KIF3C: variants seen among roughly 807,000 people sequenced by gnomAD.
KIF3C encodes the protein kinesin family member 3C.
A neutral mutation model predicts 67.7 loss-of-function variants in KIF3C; 12 were observed. That is an observed-to-expected ratio of 0.18 (90% CI 0.11 to 0.29). The LOEUF (loss-of-function observed/expected upper bound fraction) is 0.29, where lower values mean the gene tolerates loss of function less well. Ranked by LOEUF, KIF3C falls within the 10% of genes least tolerant of loss-of-function variation. The pLI is 1.00. For missense variants in KIF3C, 789 were observed against 1,059.6 expected, an observed-to-expected ratio of 0.74 and a Z score of 3.55; for synonymous variants, 393 against 426.2, an observed-to-expected ratio of 0.92 and a Z score of 0.96.
chr2:25,929,610 T>C, intron 6 of KIF3C, 133 bp from the exon 7 acceptor site: 2 of 678,962 alleles, frequency 2.9e-6, no homozygotes, highest in Admixed American at 2.9e-5. Context: ...TCCCCTCCCA[T>C]AGGCTCTTTT....
At chr2:25,952,105 C>T (rs1288442137) in intron 4 of KIF3C, among the ~76,000 whole-genome samples, 200 bp from the exon 5 acceptor site, 1 of 152,088 alleles carries the variant, frequency 6.6e-6, no homozygotes, top group Admixed American at 6.6e-5. Context: ...TCCTGGCTAA[C>T]ACAGTGAAAC....
chr2:25,978,909 T>G (rs1201521647), intron 1 of KIF3C, among the ~76,000 whole-genome samples: 1 of 152,074 alleles, frequency 6.6e-6, no homozygotes, highest in Admixed American at 6.5e-5. Context: ...CCTGATCCTT[T>G]CCTTGAGGAA....
rs188649155 is a variant in KIF3C, at chr2:25,947,148, G to A, written c.2006+4641C>T. On this transcript the variant is annotated intron_variant, in intron 5 of 7. Transcript: ENST00000264712. ...CCAGCCTGGGCAACAAGAGCAGAGA[G>A]CATTAGAATCCTTTAATAAAGAGCA... Among the ~76,000 whole-genome samples the A allele has an allele frequency of 3.7e-4, 56 of 152,226 alleles. 1 individual carries two copies. Among genetic ancestry groups the A allele is most frequent in the Admixed American group, 2.6e-3 (40 of 15,284 alleles).
chr2:25,963,010 TAA>T lies in KIF3C; in HGVS notation c.1546-6568_1546-6567del, dbSNP rs1489184876. The stretch of plus-strand genomic sequence containing the variant: ...TATAATATATATAATATATAATATA[TAA>T]TATATATAATATATAATATATAATA... On this transcript the variant is annotated intron_variant, in intron 1 of 7. Transcript: ENST00000264712. Among the ~76,000 whole-genome samples, 202 of 48,270 alleles carry T rather than the reference TAA, an allele frequency of 4.2e-3. 16 individuals are homozygous for T. The highest frequency in any genetic ancestry group is 0.023 in the African/African-American group (185 of 8,012). The allele number at this position is 48,270 out of a possible 152,430, so 31.7% of individuals were successfully genotyped here.
rs2090420160 is a variant in KIF3C, at chr2:25,927,375, T to C, written c.*1603A>G. 6.6e-6 allele frequency: 1 copy of C among 152,480 alleles called. No homozygotes were observed. Among genetic ancestry groups the C allele is most frequent in the Middle Eastern group, 3.4e-3 (1 of 294 alleles). 9.4% of individuals were successfully genotyped at this position (152,480 alleles called of 1,614,324 possible). On this transcript the variant is annotated 3_prime_UTR_variant, in exon 8 of 8. Coordinates refer to ENST00000264712, the MANE Select transcript of KIF3C (RefSeq NM_002254.8). ...GATCTGAATCCTGAGTCTCAAATAA[T>C]CTCTTGGGCTCTGATGAAAATTGTG...
chr2:25,968,572 C>A (rs1664199443), intron 1 of KIF3C, among the ~76,000 whole-genome samples: 1 of 152,170 alleles, frequency 6.6e-6, no homozygotes, highest in Admixed American at 6.5e-5. Context: ...CAAATCCAGA[C>A]AACAGAATGT....
intron 5 of KIF3C, among the ~76,000 whole-genome samples, chr2:25,938,632 G>A (rs989290014): frequency 3.3e-5 from 5 of 152,164 alleles, no homozygotes; most frequent in Non-Finnish European, 7.3e-5. Flanking sequence ...GAAGGGTTGG[G>A]GGAAGGGAGT....
Position 25,958,025 on chromosome 2 carries a change from C to G in KIF3C, c.1546-1581G>C, listed in dbSNP as rs1168970104. Among the ~76,000 whole-genome samples the G allele has an allele frequency of 1.3e-5, 2 of 152,150 alleles. No homozygotes were observed. The highest frequency in any genetic ancestry group is 2.9e-5 in the Non-Finnish European group (2 of 68,006). On this transcript the variant is annotated intron_variant, in intron 1 of 7. Coordinates refer to ENST00000264712, the MANE Select transcript of KIF3C (RefSeq NM_002254.8). The surrounding 1 kb of genome is among the most constrained non-coding windows in gnomAD (Gnocchi z 4.5). The stretch of plus-strand genomic sequence containing the variant: ...TGCAGGACCATGAGAGGGAAGAATC[C>G]CTTACACTGCATCCTCAGCGACTCA...
intron 1 of KIF3C, among the ~76,000 whole-genome samples, chr2:25,978,225 C>T (rs1168200306): frequency 6.6e-6 from 1 of 152,150 alleles, no homozygotes; most frequent in Non-Finnish European, 1.5e-5. Context: ...CCCAGGGTCA[C>T]GAGCTGATAA....
At chr2:25,944,644 C>A (rs752079637) in intron 5 of KIF3C, among the ~76,000 whole-genome samples, 1 of 151,880 alleles carries the variant, frequency 6.6e-6, no homozygotes, top group African/African-American at 2.4e-5. Flanking sequence ...AGCCACTGTA[C>A]CCAGCCTATA....
intron 1 of KIF3C, among the ~76,000 whole-genome samples, chr2:25,977,618 C>T (rs774936403): frequency 3.9e-5 from 6 of 152,188 alleles, no homozygotes; most frequent in Non-Finnish European, 8.8e-5. Flanking sequence ...GGACAGAAGC[C>T]ACCCCATAGC....
In KIF3C at chr2:25,980,418, C is replaced by T. The variant is rs1473368735; in HGVS notation, c.1500G>A (p.Leu500=). 2.5e-6 allele frequency: 4 copies of T among 1,614,124 alleles called. No homozygotes were observed. The highest frequency in any genetic ancestry group is 3.4e-6 in the Non-Finnish European group (4 of 1,180,026). Residue 500 remains leucine (L), a synonymous_variant, in exon 1 of 8, where the codon CTG becomes CTA. Coordinates refer to ENST00000264712, the MANE Select transcript of KIF3C (RefSeq NM_002254.8). The surrounding 1 kb of genome is among the most constrained non-coding windows in gnomAD (Gnocchi z 7.6). ...GCTCTGTGGCCTGCTGTTCCCGCCG[C>T]AGGTCCTCCAGCATCTTCTCCTTCT... is the stretch of plus-strand genomic sequence containing the variant. ...LEEKEKMLED[L]RREQQATELL... is the part of the protein sequence containing the mutation.
chr2:25,980,257 C>T lies in KIF3C; in HGVS notation c.1545+116G>A, dbSNP rs908805305. The T allele has an allele frequency of 1.5e-5, 12 of 820,814 alleles. No individual in the cohort carries two copies. Among genetic ancestry groups the T allele is most frequent in the African/African-American group, 8.6e-5 (5 of 58,120 alleles). 50.8% of individuals were successfully genotyped at this position (820,814 alleles called of 1,614,324 possible). On this transcript the variant is annotated intron_variant, in intron 1 of 7. Coordinates refer to ENST00000264712, the MANE Select transcript of KIF3C (RefSeq NM_002254.8). This position sits in a 1 kb window ranked among gnomAD's most constrained non-coding sequence, Gnocchi z 7.6. ...GCACATTTGGCAGGAGGGCAGTGTG[C>T]GGTGCTGAGGGAGAACCTCCACTTC...
intron 1 of KIF3C, among the ~76,000 whole-genome samples, chr2:25,979,266 G>A (rs1664497449): frequency 6.6e-6 from 1 of 152,152 alleles, no homozygotes. Context: ...ACAGGGAGGG[G>A]CCTCTGTAGT....
chr2:25,947,195 A>AGATCAG lies in KIF3C; in HGVS notation c.2006+4588_2006+4593dup, dbSNP rs1161976177. Among the ~76,000 whole-genome samples the AGATCAG allele has an allele frequency of 3.3e-5, 5 of 152,232 alleles. No individual in the cohort carries two copies. In the South Asian group the frequency reaches 1.0e-3, roughly 32 times the overall value. ...AGCACAAACTTGCCTTTAAAGCAGA[A>AGATCAG]GATCAGGGTAAAAAAGACAATGGGC... is the stretch of plus-strand genomic sequence containing the variant. On this transcript the variant is annotated intron_variant, in intron 5 of 7. Coordinates refer to ENST00000264712, the MANE Select transcript of KIF3C (RefSeq NM_002254.8).
At position 25,978,589 on chromosome 2, in the gene KIF3C, C is replaced by T. The variant is rs1051500656; in HGVS notation, c.1545+1784G>A. 3.9e-5 allele frequency among the ~76,000 whole-genome samples: 6 copies of T among 152,212 alleles called. No homozygotes were observed. In the East Asian group the frequency reaches 1.2e-3, roughly 29 times the overall value. On this transcript the variant is annotated intron_variant, in intron 1 of 7. Transcript: ENST00000264712. The stretch of plus-strand genomic sequence containing the variant: ...GTGCTGGCCGCCCTGATCTCTTGGC[C>T]GTTCTATCATCTGTGCCCCATACTG...
intron 4 of KIF3C, among the ~76,000 whole-genome samples, chr2:25,952,325 T>A (rs79960067): frequency 0.086 from 13,103 of 151,736 alleles, 675 homozygotes; most frequent in African/African-American, 0.13. Context: ...TAATTAATTA[T>A]TTATTTATTT....
intron 1 of KIF3C, among the ~76,000 whole-genome samples, chr2:25,979,086 C>T (rs566591483): frequency 6.6e-6 from 1 of 152,218 alleles, no homozygotes; most frequent in African/African-American, 2.4e-5. Context: ...CCCCAGCCCA[C>T]ATTCCTGAGA....
rs1024583325 is a variant in KIF3C, at chr2:25,981,948, C to T, written c.-31G>A. 3.3e-6 allele frequency: 5 copies of T among 1,496,972 alleles called. No homozygotes were observed. Among genetic ancestry groups the T allele is most frequent in the Non-Finnish European group, 4.4e-6 (5 of 1,124,954 alleles). 92.7% of individuals were successfully genotyped at this position (1,496,972 alleles called of 1,614,324 possible). A position where few individuals can be genotyped will look rare whatever the true frequency, so the allele number is the denominator to read the frequency against. On this transcript the variant is annotated 5_prime_UTR_variant, in exon 1 of 8. Coordinates refer to ENST00000264712, the MANE Select transcript of KIF3C (RefSeq NM_002254.8). This position sits in a 1 kb window ranked among gnomAD's most constrained non-coding sequence, Gnocchi z 8.2. ...TGCTCTGACCTTCCTGCCCCCGAGC[C>T]CCTCCGCAGCCTGGGCGGTCCTGCT...
Sources: allele counts gnomAD v4.1 joint callset (sites outside exome capture counted in the v4.1 genomes callset), GRCh38; gene constraint gnomAD v4.1.1; non-coding constraint Gnocchi (gnomAD v3.1); transcripts MANE v1.5; gene names NCBI Gene and HGNC (gene_info 2026-07-23, HGNC 2026-07-21).